Variants in LAMA2 observed in about 807,000 individuals in gnomAD.
LAMA2 encodes laminin subunit alpha 2.
In LAMA2, 269 loss-of-function variants were observed where a neutral mutation model predicts 364.8. That is an observed-to-expected ratio of 0.74 (90% CI 0.67 to 0.82). The LOEUF is 0.82. Among genes scored for constraint, LAMA2 ranks in the 40% least tolerant of loss-of-function variants. LAMA2 has a pLI of 0.00. For synonymous variants in LAMA2, 1,379 were observed against 1,370.6 expected (o/e 1.01, Z -0.14); for missense variants, 3,807 against 3,873.2 (o/e 0.98, Z 0.45).
intron 12 of LAMA2, among the ~76,000 whole-genome samples, chr6:129,221,018 C>T (rs780142844): frequency 2.6e-5 from 4 of 151,734 alleles, no homozygotes; most frequent in African/African-American, 7.3e-5. Flanking sequence ...AAAAATTAGC[C>T]GGGCATGGTG....
intron 14 of LAMA2, among the ~76,000 whole-genome samples, chr6:129,259,982 G>A (rs540762760): frequency 1.3e-5 from 2 of 152,160 alleles, no homozygotes; most frequent in South Asian, 4.1e-4. Context: ...TGCATAGTAA[G>A]AAAAGAAATA....
chr6:129,061,252 G>C (rs1239164352), intron 3 of LAMA2, among the ~76,000 whole-genome samples: 1 of 152,128 alleles, frequency 6.6e-6, no homozygotes, highest in Non-Finnish European at 1.5e-5. Flanking sequence ...GAGTGAGTCT[G>C]CTGTGCATTG....
At chr6:129,515,730 G>A (rs1442893934) in intron 64 of LAMA2, among the ~76,000 whole-genome samples, 1 of 152,146 alleles carries the variant, frequency 6.6e-6, no homozygotes, top group East Asian at 1.9e-4. Flanking sequence ...CCCAAACCAA[G>A]TTATTTCATG....
At chr6:129,409,929 T>C (rs148589734) in intron 40 of LAMA2, among the ~76,000 whole-genome samples, 2 of 152,294 alleles carry the variant, frequency 1.3e-5, no homozygotes, top group Admixed American at 6.5e-5. Context: ...AAGTTGGCAC[T>C]CAGTATTAAC....
chr6:129,436,824 ATGTT>A (rs1416357891), intron 41 of LAMA2: 2 of 152,106 alleles, frequency 1.3e-5, no homozygotes, highest in African/African-American at 4.8e-5. Context: ...ATGATTATGT[ATGTT>A]TATTTTATTG....
chr6:129,287,881 C>G lies in LAMA2; in HGVS notation c.2572C>G (p.Pro858Ala). The G allele has an allele frequency of 6.2e-7, 1 of 1,613,968 alleles. No individual in the cohort carries two copies. Reference protein sequence around the residue: ...AEGYFGQPSVPGGSCQPCQCN... With the variant: ...AEGYFGQPSVAGGSCQPCQCN... The stretch of plus-strand genomic sequence containing the variant: ...AGGCTATTTTGGACAACCCTCTGTA[C>G]CTGGAGGATCATGTCAGCCATGCCA... The change falls in exon 19 of 65, where the codon CCT (proline) becomes GCT (alanine). Residue 858 changes from proline to alanine, a missense_variant. By Grantham distance (27) the Pro-to-Ala change is conservative (BLOSUM62 -1). Coordinates refer to ENST00000421865, the MANE Select transcript of LAMA2 (RefSeq NM_000426.4).
intron 30 of LAMA2, among the ~76,000 whole-genome samples, chr6:129,344,381 T>C (rs1776432035): frequency 6.6e-6 from 1 of 152,166 alleles, no homozygotes; most frequent in Non-Finnish European, 1.5e-5. Flanking sequence ...CGGGCAGAAG[T>C]TGAAGACAGG....
intron 4 of LAMA2, among the ~76,000 whole-genome samples, chr6:129,104,196 C>A (rs1433668250): frequency 6.6e-6 from 1 of 152,070 alleles, no homozygotes; most frequent in Non-Finnish European, 1.5e-5. Flanking sequence ...CAGGGTCTTG[C>A]TATGTTGCCC....
intron 34 of LAMA2, among the ~76,000 whole-genome samples, chr6:129,375,230 C>T (rs889525859): frequency 6.6e-6 from 1 of 152,120 alleles, no homozygotes; most frequent in African/African-American, 2.4e-5. Flanking sequence ...TTATTTTACT[C>T]ACTGGAAGAA....
At chr6:129,261,712 C>A (rs1028080443) in intron 15 of LAMA2, among the ~76,000 whole-genome samples, 1 of 152,030 alleles carries the variant, frequency 6.6e-6, no homozygotes, top group African/African-American at 2.4e-5. Context: ...TCAGTTCTCT[C>A]GTACTTTTAA....
chr6:129,200,116 ATATATGTG>A (rs1354138396), intron 12 of LAMA2, among the ~76,000 whole-genome samples: 1 of 117,084 alleles, frequency 8.5e-6, no homozygotes, highest in Non-Finnish European at 1.8e-5. Flanking sequence ...GTACACGTAT[ATATATGTG>A]TATATATATA....
intron 12 of LAMA2, among the ~76,000 whole-genome samples, chr6:129,200,942 A>T (rs1451004237): frequency 6.6e-6 from 1 of 152,234 alleles, no homozygotes; most frequent in Non-Finnish European, 1.5e-5. Flanking sequence ...GAAACAAATC[A>T]TAAATTTTCA....
intron 33 of LAMA2, among the ~76,000 whole-genome samples, chr6:129,366,841 AC>A (rs753241640): frequency 1.3e-5 from 2 of 152,186 alleles, no homozygotes; most frequent in Non-Finnish European, 2.9e-5. Flanking sequence ...CTCCTACCTT[AC>A]CACATTTGAA....
intron 51 of LAMA2, among the ~76,000 whole-genome samples, chr6:129,467,482 C>T (rs1264099382): frequency 1.3e-5 from 2 of 151,686 alleles, no homozygotes; most frequent in East Asian, 3.9e-4. Context: ...TGAAACAAAC[C>T]TTCATATGCA....
chr6:129,208,685 G>T (rs559056902), intron 12 of LAMA2, among the ~76,000 whole-genome samples: 4 of 122,580 alleles, frequency 3.3e-5, no homozygotes, highest in African/African-American at 6.3e-5. Context: ...GAGAAGGAAA[G>T]AAAGAAAAAG....
chr6:129,008,086 G>T (rs1784544802), intron 1 of LAMA2, among the ~76,000 whole-genome samples: 1 of 152,170 alleles, frequency 6.6e-6, no homozygotes, highest in Non-Finnish European at 1.5e-5. Context: ...ACACAGGGTA[G>T]TTCACTATTG....
intron 4 of LAMA2, among the ~76,000 whole-genome samples, chr6:129,111,092 G>A (rs746598819): frequency 1.3e-5 from 2 of 151,998 alleles, no homozygotes; most frequent in Non-Finnish European, 2.9e-5. Context: ...GAATGGTTAT[G>A]ATTACACTTT....
intron 58 of LAMA2, among the ~76,000 whole-genome samples, chr6:129,497,206 T>G (rs1042207786): frequency 1.3e-5 from 2 of 152,178 alleles, no homozygotes; most frequent in African/African-American, 4.8e-5. Flanking sequence ...TCCTCTATAA[T>G]TTTCACTTCT....
chr6:129,365,902 A>G (rs1562497104), intron 32 of LAMA2, among the ~76,000 whole-genome samples: 1 of 152,084 alleles, frequency 6.6e-6, no homozygotes, highest in Non-Finnish European at 1.5e-5. Context: ...GTTATATTCT[A>G]TGCCTTAAAG....
Sources: gnomAD v4.1 joint callset for allele counts (sites outside exome capture counted in the v4.1 genomes callset) on GRCh38, gnomAD v4.1.1 for gene constraint, MANE v1.5 for transcripts, NCBI Gene and HGNC (gene_info 2026-07-23, HGNC 2026-07-21) for gene names.